The following NBAS variants were observed in gnomAD, a reference collection of about 807,000 sequenced individuals.
The protein encoded by NBAS is NAG/BC035112 fusion.
In NBAS, 219 loss-of-function variants were observed where a neutral mutation model predicts 302.5. The observed-to-expected ratio is 0.72, with a 90% CI of 0.65 to 0.81. NBAS has a LOEUF of 0.81. Ranked by LOEUF, NBAS falls within the 30% of genes least tolerant of loss-of-function variation. NBAS has a pLI of 0.00. For synonymous variants in NBAS, 1,118 were observed against 1,021.6 expected (o/e 1.09, Z -1.80); for missense variants, 2,932 against 2,841.6 (o/e 1.03, Z -0.72).
intron 48 of NBAS, among the ~76,000 whole-genome samples, chr2:15,196,691 C>A (rs1324767531): frequency 6.6e-6 from 1 of 152,086 alleles, no homozygotes; most frequent in African/African-American, 2.4e-5. Flanking sequence ...AAGCATGCAG[C>A]AGAAAAATGG....
At chr2:15,060,731 C>A in the NBAS span, among the ~76,000 whole-genome samples, 1 of 152,168 alleles carries the variant, frequency 6.6e-6, no homozygotes, top group African/African-American at 2.4e-5. Context: ...TGTAAGCTCT[C>A]TGAGCCTCAA....
intron 40 of NBAS, among the ~76,000 whole-genome samples, chr2:15,299,609 C>T (rs1171578401): frequency 6.6e-6 from 1 of 152,110 alleles, no homozygotes; most frequent in East Asian, 1.9e-4. Flanking sequence ...GAATGTCATC[C>T]CCCGCTGAGT....
At chr2:15,134,843 C>T in the NBAS span, among the ~76,000 whole-genome samples, 9 of 152,088 alleles carry the variant, frequency 5.9e-5, no homozygotes, top group Non-Finnish European at 1.0e-4. Context: ...GCATGATACA[C>T]GCAGTAACAA....
At chr2:14,907,830 C>T in the NBAS span, among the ~76,000 whole-genome samples, 1 of 152,190 alleles carries the variant, frequency 6.6e-6, no homozygotes, top group Admixed American at 6.5e-5. Flanking sequence ...ACTTTATCAG[C>T]TCTGCCATGA....
At chr2:14,910,096 G>A in the NBAS span, among the ~76,000 whole-genome samples, 19 of 152,236 alleles carry the variant, frequency 1.2e-4, no homozygotes, top group East Asian at 2.1e-3. Flanking sequence ...GTTCATTTGC[G>A]TATGAGAATT....
rs530882227 is a variant in NBAS at position 15,234,276 on chromosome 2, G to A, written c.6146+269C>T. ...ACTTACCTGTGTCAAATGCCATTTTGGCCTTTCCCTTATTTCAAGAAAAGA... is the reference window on the plus strand; with the variant it reads ...ACTTACCTGTGTCAAATGCCATTTTAGCCTTTCCCTTATTTCAAGAAAAGA... On this transcript the variant is annotated intron_variant, in intron 46 of 51. Coordinates refer to ENST00000281513, the MANE Select transcript of NBAS (RefSeq NM_015909.4). Among the ~76,000 whole-genome samples the A allele has an allele frequency of 2.4e-4, 36 of 152,184 alleles. No homozygotes were observed. In the South Asian group the frequency reaches 6.8e-3, roughly 29 times the overall value.
chr2:15,489,168 C>T lies in NBAS; in HGVS notation c.955-146G>A, dbSNP rs6730073. The T allele has an allele frequency of 1.1e-5, 10 of 922,050 alleles. No homozygotes were observed. The South Asian group carries it at 1.5e-4, about 14-fold the overall frequency. 57.1% of individuals were successfully genotyped at this position (922,050 alleles called of 1,614,324 possible). ...CCAGCTTCCTATCATTATAAATGTA[C>T]TTCAGCATAGAGAAAAAGTCCTCCT... On this transcript the variant is annotated intron_variant, in intron 11 of 51. Coordinates refer to ENST00000281513, the MANE Select transcript of NBAS (RefSeq NM_015909.4).
the NBAS span, among the ~76,000 whole-genome samples, chr2:15,018,142 T>C: frequency 6.6e-6 from 1 of 151,578 alleles, no homozygotes; most frequent in African/African-American, 2.4e-5. Context: ...CTGGGAAGGG[T>C]AGGGGGAAGA....
Position 15,345,008 on chromosome 2 carries a change from C to T in NBAS, c.4179+6984G>A, listed in dbSNP as rs1673024300. Among the ~76,000 whole-genome samples, 6 of 152,052 alleles carry T rather than the reference C, an allele frequency of 3.9e-5. No individual in the cohort carries two copies. In the South Asian group the frequency reaches 1.2e-3, roughly 32 times the overall value. ...AATAAATTATTAATGGAACATATCTCAAAATCATAAGAGCTATTAATGACA... is the reference window on the plus strand; with the variant it reads ...AATAAATTATTAATGGAACATATCTTAAAATCATAAGAGCTATTAATGACA... On this transcript the variant is annotated intron_variant, in intron 35 of 51. Coordinates refer to ENST00000281513, the MANE Select transcript of NBAS (RefSeq NM_015909.4).
chr2:15,284,227 A>T (rs942218774), intron 42 of NBAS, among the ~76,000 whole-genome samples: 25 of 152,186 alleles, frequency 1.6e-4, no homozygotes, highest in African/African-American at 4.8e-4. Context: ...CTCTGACAAG[A>T]GTGAAATTCC....
intron 19 of NBAS, among the ~76,000 whole-genome samples, chr2:15,464,164 A>G (rs906590895): frequency 2.6e-5 from 4 of 152,176 alleles, no homozygotes; most frequent in African/African-American, 9.7e-5. Flanking sequence ...AGACAACACA[A>G]TTCAAATAGA....
chr2:15,345,720 C>A (rs571169178), intron 35 of NBAS, among the ~76,000 whole-genome samples: 1 of 152,058 alleles, frequency 6.6e-6, no homozygotes, highest in South Asian at 2.1e-4. Flanking sequence ...CAAAAAGAAT[C>A]AAGCTAGAGG....
chr2:15,228,286 T>C (rs1335105814), intron 47 of NBAS, among the ~76,000 whole-genome samples: 1 of 152,040 alleles, frequency 6.6e-6, no homozygotes, highest in Non-Finnish European at 1.5e-5. Flanking sequence ...ATCAGGGAAA[T>C]GCAATCAAAA....
the NBAS span, among the ~76,000 whole-genome samples, chr2:14,828,179 G>GA: frequency 2.0e-5 from 3 of 151,794 alleles, no homozygotes; most frequent in Non-Finnish European, 4.4e-5. Flanking sequence ...TTACCTTCTA[G>GA]AAAAAAAATA....
At chr2:15,097,973 T>A in the NBAS span, among the ~76,000 whole-genome samples, 538 of 94,280 alleles carry the variant, frequency 5.7e-3, 2 homozygotes, top group African/African-American at 0.017. Context: ...TATTATATTG[T>A]ATATAATATA....
chr2:15,403,198 A>C (rs1676237426), intron 25 of NBAS, among the ~76,000 whole-genome samples: 3 of 152,208 alleles, frequency 2.0e-5, no homozygotes, highest in Non-Finnish European at 2.9e-5. Context: ...CAGTAAACAC[A>C]AAAGAGATAG....
chr2:15,017,182 C>A, the NBAS span, among the ~76,000 whole-genome samples: 1 of 151,930 alleles, frequency 6.6e-6, no homozygotes. Context: ...GATCAAAGAC[C>A]TAAATGTAAG....
the NBAS span, among the ~76,000 whole-genome samples, chr2:14,911,268 A>T: frequency 1.3e-5 from 2 of 152,224 alleles, no homozygotes; most frequent in African/African-American, 4.8e-5. Flanking sequence ...TTGAAGTCAG[A>T]AAATGTGCAT....
chr2:15,217,214 A>G (rs1666691760), intron 48 of NBAS, among the ~76,000 whole-genome samples: 1 of 152,252 alleles, frequency 6.6e-6, no homozygotes, highest in Non-Finnish European at 1.5e-5. Flanking sequence ...TTAAGGTCAC[A>G]GTGCTTCAGA....
Sources: gnomAD v4.1 joint callset for allele counts (sites outside exome capture counted in the v4.1 genomes callset) on GRCh38, gnomAD v4.1.1 for gene constraint, MANE v1.5 for transcripts, NCBI Gene and HGNC (gene_info 2026-07-23, HGNC 2026-07-21) for gene names.